RTN3: variants seen among roughly 807,000 people sequenced by gnomAD.
RTN3 encodes reticulon-3.
RTN3 carries 49 observed loss-of-function variants against 77.8 expected under a neutral mutation model. That is an observed-to-expected ratio of 0.63 (90% CI 0.50 to 0.80). RTN3 has a LOEUF of 0.80. Among genes scored for constraint, RTN3 ranks in the 30% least tolerant of loss-of-function variants. RTN3 has a pLI of 0.00. For synonymous variants in RTN3, 464 were observed against 446.9 expected (o/e 1.04, Z -0.48); for missense variants, 1,236 against 1,211.9 (o/e 1.02, Z -0.29).
chr11:63,734,022 C>A (rs1278771590), intron 3 of RTN3, among the ~76,000 whole-genome samples: 1 of 152,064 alleles, frequency 6.6e-6, no homozygotes. Context: ...AGTTCGATAT[C>A]CTTTTCTGAT....
In RTN3 at chr11:63,754,971, C is replaced by G. The variant is rs141979370; in HGVS notation, c.2995-1141C>G. On this transcript the variant is annotated intron_variant, in intron 7 of 8. Transcript: ENST00000377819. ...GCTTAGATGAATAAAAGCCGGGTGT[C>G]TAAAAGGAAACTTTAAACTCTAGGT... Among the ~76,000 whole-genome samples, 1,168 of 146,548 alleles carry G rather than the reference C, an allele frequency of 8.0e-3. 16 individuals are homozygous for G. The highest frequency in any genetic ancestry group is 0.027 in the African/African-American group (1,072 of 39,832).
At chr11:63,746,439 T>C (rs1164893227) in intron 3 of RTN3, among the ~76,000 whole-genome samples, 2 of 152,070 alleles carry the variant, frequency 1.3e-5, no homozygotes, top group East Asian at 1.9e-4. Context: ...TACTTTGGAG[T>C]GTGTTTCCAT....
At chr11:63,728,229 A>G (rs2012419087) in intron 3 of RTN3, among the ~76,000 whole-genome samples, 1 of 152,116 alleles carries the variant, frequency 6.6e-6, no homozygotes, top group Non-Finnish European at 1.5e-5. Context: ...TTCCCAACCA[A>G]GGAAGCTCTT....
chr11:63,749,433 C>T (rs1257847829), intron 3 of RTN3, among the ~76,000 whole-genome samples: 1 of 152,096 alleles, frequency 6.6e-6, no homozygotes, highest in East Asian at 1.9e-4. Context: ...ACTTTCTTTG[C>T]CCCTGCCCCA....
intron 1 of RTN3, among the ~76,000 whole-genome samples, chr11:63,698,003 A>T (rs1206676815): frequency 1.3e-5 from 2 of 151,690 alleles, no homozygotes; most frequent in African/African-American, 2.4e-5. Context: ...CGTATTTCCC[A>T]TACTTTTTGT....
chr11:63,757,783 G>A (rs1008137343), intron 8 of RTN3, among the ~76,000 whole-genome samples: 10 of 144,954 alleles, frequency 6.9e-5, no homozygotes, highest in African/African-American at 2.3e-4. Flanking sequence ...GCAGTGGTGC[G>A]ATGTCTGCTC....
chr11:63,745,769 A>G (rs2013758791), intron 3 of RTN3, among the ~76,000 whole-genome samples: 1 of 152,172 alleles, frequency 6.6e-6, no homozygotes, highest in South Asian at 2.1e-4. Context: ...TTTCCAGCAG[A>G]TGGCAGTAAC....
chr11:63,719,629 T>G lies in RTN3; in HGVS notation c.1127T>G (p.Val376Gly). Residue 376 changes from valine to glycine, a missense_variant, in exon 3 of 9, where the codon GTT becomes GGT. Val to Gly is a moderately radical substitution (Grantham distance 109, BLOSUM62 -3). Coordinates refer to ENST00000377819, the MANE Select transcript of RTN3 (RefSeq NM_001265589.2). ...DMSEYNSEIP[V>G]VNLKTSTHQK... ...AGTGAATATAATTCAGAAATTCCAG[T>G]TGTAAATCTTAAAACTAGCACTCAT... 6.2e-7 allele frequency: 1 copy of G among 1,613,728 alleles called. No homozygotes were observed.
At chr11:63,757,279 G>A (rs986592483) in intron 8 of RTN3, among the ~76,000 whole-genome samples, 3 of 152,014 alleles carry the variant, frequency 2.0e-5, no homozygotes, top group Non-Finnish European at 4.4e-5. Flanking sequence ...TCAAAGAGTT[G>A]TTTTCTTCTT....
Position 63,753,250 on chromosome 11 carries a change from A to G in RTN3, c.2947+112A>G, listed in dbSNP as rs1428526531. The G allele has an allele frequency of 1.3e-5, 13 of 1,031,016 alleles. No homozygotes were observed. In the East Asian group the frequency reaches 2.7e-4, roughly 21 times the overall value. The allele number at this position is 1,031,016 out of a possible 1,614,324, so 63.9% of individuals were successfully genotyped here. On this transcript the variant is annotated intron_variant, in intron 6 of 8. Transcript: ENST00000377819. ...ATTCTTCATTGCCCAGTCTTGACCCATAGAGACCTGGGAGTAGAGGCACTG... is the reference window on the plus strand; with the variant it reads ...ATTCTTCATTGCCCAGTCTTGACCCGTAGAGACCTGGGAGTAGAGGCACTG...
intron 2 of RTN3, among the ~76,000 whole-genome samples, chr11:63,718,015 C>CA (rs557512588): frequency 0.016 from 1,570 of 100,666 alleles, 21 homozygotes; most frequent in African/African-American, 0.045. Context: ...GACTCCGTAT[C>CA]AAAAAAAAAA....
At chr11:63,710,170 A>G (rs552457556) in intron 2 of RTN3, among the ~76,000 whole-genome samples, 1 of 152,254 alleles carries the variant, frequency 6.6e-6, no homozygotes, top group African/African-American at 2.4e-5. Flanking sequence ...ATTCAAATGT[A>G]TTTACTCATA....
chr11:63,681,910 G>A, intron 1 of RTN3, 132 bp downstream of exon 1: 2 of 993,680 alleles, frequency 2.0e-6, no homozygotes, highest in Non-Finnish European at 2.8e-6. Context: ...CCCCGGGGAC[G>A]AGCGTTTGGA....
chr11:63,721,059 T>C (rs2011754604), intron 3 of RTN3, 27 bp downstream of exon 3: 4 of 1,540,938 alleles, frequency 2.6e-6, no homozygotes, highest in Non-Finnish European at 3.5e-6. Flanking sequence ...GAATACTGCA[T>C]GTGGTTAATT....
intron 1 of RTN3, among the ~76,000 whole-genome samples, chr11:63,691,730 C>G (rs980866681): frequency 8.5e-5 from 13 of 152,180 alleles, no homozygotes; most frequent in Non-Finnish European, 1.6e-4. Context: ...AAAAAGATAT[C>G]CAAAGTCTGA....
Position 63,716,196 on chromosome 11 carries a change from G to A in RTN3, c.200-2506G>A, listed in dbSNP as rs1190932135. Among the ~76,000 whole-genome samples the A allele has an allele frequency of 2.0e-5, 3 of 152,162 alleles. 1 individual carries two copies. In the East Asian group the frequency reaches 5.8e-4, roughly 29 times the overall value. On this transcript the variant is annotated intron_variant, in intron 2 of 8. Transcript: ENST00000377819. ...AGTTTCAGTGATGTGTTGAAGTAGG[G>A]GAACTTTATATGGCATTTCAAAACA...
At chr11:63,704,010 A>G (rs1199515) in intron 1 of RTN3, among the ~76,000 whole-genome samples, 1 of 146,580 alleles carries the variant, frequency 6.8e-6, no homozygotes, top group South Asian at 2.2e-4. Context: ...TAATTAATTT[A>G]TTTTTTTTTT....
chr11:63,707,759 G>A (rs950574859), intron 2 of RTN3, among the ~76,000 whole-genome samples: 15 of 152,080 alleles, frequency 9.9e-5, no homozygotes, highest in South Asian at 2.1e-4. Context: ...ACTTGAACCC[G>A]GGGGACAGAG....
At chr11:63,747,140 G>C in intron 3 of RTN3, 1 of 399,036 alleles carries the variant, frequency 2.5e-6, no homozygotes, top group Non-Finnish European at 5.1e-6. Flanking sequence ...ATTAGATGCA[G>C]GTTACATGTT....
Sources: gnomAD v4.1 joint callset for allele counts (sites outside exome capture counted in the v4.1 genomes callset) on GRCh38, gnomAD v4.1.1 for gene constraint, MANE v1.5 for transcripts, NCBI Gene and HGNC (gene_info 2026-07-23, HGNC 2026-07-21) for gene names.